The following FAM193A variants were observed in gnomAD, a reference collection of about 807,000 sequenced individuals.
The protein encoded by FAM193A is protein FAM193A.
Under a neutral mutation model 126.5 loss-of-function variants are expected in FAM193A, and 22 were observed. The ratio of observed to expected loss-of-function variants is 0.17; its 90% CI spans 0.12 to 0.25. The LOEUF is 0.25. Ranked by LOEUF, FAM193A falls within the 10% of genes least tolerant of loss-of-function variation. The pLI is 1.00. For missense variants in FAM193A, 1,675 were observed against 1,672.8 expected (o/e 1.00, Z -0.02); for synonymous variants, 761 against 646.8 (o/e 1.18, Z -2.68).
intron 13 of FAM193A, among the ~76,000 whole-genome samples, chr4:2,685,665 C>T (rs182857612): frequency 6.6e-6 from 1 of 152,256 alleles, no homozygotes; most frequent in Non-Finnish European, 1.5e-5. Flanking sequence ...CATTTTTGCT[C>T]GGATGCTTAG....
intron 2 of FAM193A, among the ~76,000 whole-genome samples, chr4:2,597,871 TC>T (rs1740958564): frequency 6.6e-6 from 1 of 152,246 alleles, no homozygotes; most frequent in African/African-American, 2.4e-5. Flanking sequence ...GGTAGTCACT[TC>T]CCTTCCCCCG....
At chr4:2,715,412 G>A (rs1168791497) in intron 19 of FAM193A, 3 of 730,332 alleles carry the variant, frequency 4.1e-6, no homozygotes, top group Non-Finnish European at 5.0e-6. Flanking sequence ...CCAGTGAGCC[G>A]AGATCATGCC....
chr4:2,622,753 G>C (rs113839292), intron 2 of FAM193A, among the ~76,000 whole-genome samples: 2,305 of 152,210 alleles, frequency 0.015, 47 homozygotes, highest in African/African-American at 0.045. Context: ...GGATGTGGCA[G>C]CTCTCTGGGG....
chr4:2,544,655 G>T (rs2108807884), intron 1 of FAM193A, among the ~76,000 whole-genome samples: 1 of 152,178 alleles, frequency 6.6e-6, no homozygotes, highest in South Asian at 2.1e-4. Flanking sequence ...AGTGAGCCCA[G>T]ATCGGGCCAC....
intron 2 of FAM193A, among the ~76,000 whole-genome samples, chr4:2,619,815 C>T (rs944414888): frequency 1.3e-5 from 2 of 152,130 alleles, no homozygotes; most frequent in Non-Finnish European, 2.9e-5. Context: ...CTCAACCTCT[C>T]GAGTGGCTGG....
intron 2 of FAM193A, among the ~76,000 whole-genome samples, chr4:2,602,469 C>T (rs1033770564): frequency 3.3e-5 from 5 of 151,282 alleles, no homozygotes; most frequent in Admixed American, 1.3e-4. Context: ...ATAATCCTGC[C>T]TTAGCCTCTG....
intron 20 of FAM193A, among the ~76,000 whole-genome samples, chr4:2,729,487 G>T (rs1721136800): frequency 6.6e-6 from 1 of 152,154 alleles, no homozygotes; most frequent in South Asian, 2.1e-4. Context: ...TCTTCCAAGT[G>T]CACTTTCCTT....
chr4:2,730,150 C>G (rs1453035341), intron 20 of FAM193A, among the ~76,000 whole-genome samples: 2 of 152,154 alleles, frequency 1.3e-5, no homozygotes, highest in African/African-American at 4.8e-5. Context: ...TCAAGTGATT[C>G]TCCAACCTCA....
chr4:2,589,300 A>G (rs1740396005), intron 1 of FAM193A, among the ~76,000 whole-genome samples: 1 of 152,220 alleles, frequency 6.6e-6, no homozygotes, highest in Non-Finnish European at 1.5e-5. Context: ...CTGTAGAACC[A>G]CTGGCCATTT....
At chr4:2,601,844 T>C (rs1412605304) in intron 2 of FAM193A, among the ~76,000 whole-genome samples, 1 of 152,172 alleles carries the variant, frequency 6.6e-6, no homozygotes, top group Admixed American at 6.6e-5. Context: ...TGCTTTTTAT[T>C]ATTATTATTT....
At chr4:2,537,504 AGCTCCGC>A (rs1037851183) in intron 1 of FAM193A, among the ~76,000 whole-genome samples, 2 of 152,232 alleles carry the variant, frequency 1.3e-5, no homozygotes, top group Admixed American at 6.5e-5. Context: ...TCCGGGGTGC[AGCTCCGC>A]GCACGGCGCT....
At chr4:2,683,553 A>G (rs1449604423) in intron 13 of FAM193A, among the ~76,000 whole-genome samples, 1 of 152,206 alleles carries the variant, frequency 6.6e-6, no homozygotes, top group Non-Finnish European at 1.5e-5. Context: ...TTGGCCTCCC[A>G]TAGTGCTGAG....
intron 13 of FAM193A, among the ~76,000 whole-genome samples, chr4:2,685,849 A>G (rs916261635): frequency 6.6e-6 from 1 of 152,186 alleles, no homozygotes; most frequent in Non-Finnish European, 1.5e-5. Flanking sequence ...TTGTGTTTGC[A>G]TATTTGTGTC....
chr4:2,727,214 G>A (rs530877919), intron 20 of FAM193A, among the ~76,000 whole-genome samples: 202 of 152,048 alleles, frequency 1.3e-3, no homozygotes, highest in Admixed American at 1.7e-3. Context: ...AGCCGAGATC[G>A]CGTCACTGCA....
At chr4:2,647,763 A>G (rs1745296804) in intron 7 of FAM193A, among the ~76,000 whole-genome samples, 1 of 152,172 alleles carries the variant, frequency 6.6e-6, no homozygotes, top group African/African-American at 2.4e-5. Context: ...TGGTTTAAAG[A>G]TGACACTAGT....
At chr4:2,597,514 C>T (rs1331092457) in intron 2 of FAM193A, among the ~76,000 whole-genome samples, 3 of 152,154 alleles carry the variant, frequency 2.0e-5, no homozygotes, top group African/African-American at 4.8e-5. Flanking sequence ...CAGAGGCCAG[C>T]GGAAGTGCCT....
At chr4:2,631,955 T>A (rs1311761841) in intron 5 of FAM193A, among the ~76,000 whole-genome samples, 2 of 152,202 alleles carry the variant, frequency 1.3e-5, no homozygotes, top group Non-Finnish European at 2.9e-5. Context: ...AACTTTATTA[T>A]TAAATAATAC....
chr4:2,628,044 GC>G (rs1560495317), intron 4 of FAM193A, among the ~76,000 whole-genome samples: 1 of 151,928 alleles, frequency 6.6e-6, no homozygotes, highest in African/African-American at 2.4e-5. Context: ...ACCCGGCTGC[GC>G]CCAGCTAATT....
chr4:2,594,969 C>T (rs1740778743), intron 1 of FAM193A, among the ~76,000 whole-genome samples: 1 of 151,544 alleles, frequency 6.6e-6, no homozygotes, highest in Non-Finnish European at 1.5e-5. Context: ...GCTGGGATTA[C>T]AGGTGCACAC....
Sources: gnomAD v4.1 joint callset for allele counts (sites outside exome capture counted in the v4.1 genomes callset) on GRCh38, gnomAD v4.1.1 for gene constraint, MANE v1.5 for transcripts, NCBI Gene and HGNC (gene_info 2026-07-23, HGNC 2026-07-21) for gene names.